SDK1: variants seen among roughly 807,000 people sequenced by gnomAD.
The protein encoded by SDK1 is sidekick cell adhesion molecule 1.
SDK1 carries 157 observed loss-of-function variants against 245.5 expected under a neutral mutation model. The ratio of observed to expected loss-of-function variants is 0.64; its 90% CI spans 0.56 to 0.73. The LOEUF (loss-of-function observed/expected upper bound fraction) is 0.73. Ranked by LOEUF, SDK1 falls within the 30% of genes least tolerant of loss-of-function variation. SDK1 has a pLI of 0.00. For synonymous variants in SDK1, 1,647 were observed against 1,278.5 expected, an observed-to-expected ratio of 1.29 and a Z score of -6.15; for missense variants, 3,583 against 3,002.3, an observed-to-expected ratio of 1.19 and a Z score of -4.52.
intron 42 of SDK1, among the ~76,000 whole-genome samples, chr7:4,239,222 G>T (rs1290187923): frequency 2.6e-5 from 4 of 152,190 alleles, no homozygotes; most frequent in African/African-American, 9.6e-5. Context: ...CACAGACCTT[G>T]TGACTCCATT....
intron 1 of SDK1, among the ~76,000 whole-genome samples, chr7:3,596,859 TAA>T (rs1023728321): frequency 6.6e-6 from 1 of 152,062 alleles, no homozygotes; most frequent in African/African-American, 2.4e-5. Context: ...GAAAGCACCA[TAA>T]AAGATAGAAG....
chr7:4,086,923 A>G (rs1249233475), intron 22 of SDK1, among the ~76,000 whole-genome samples: 3 of 152,086 alleles, frequency 2.0e-5, no homozygotes, highest in Admixed American at 2.0e-4. Flanking sequence ...TGGCTGGATC[A>G]CAAGGCAAAT....
chr7:4,138,692 T>G (rs1211792540), intron 28 of SDK1, among the ~76,000 whole-genome samples: 2 of 145,096 alleles, frequency 1.4e-5, no homozygotes, highest in Non-Finnish European at 3.0e-5. Flanking sequence ...GGTTGCAGTA[T>G]AGCCGAGATC....
chr7:4,133,580 G>C (rs1163183346), intron 28 of SDK1, among the ~76,000 whole-genome samples: 1 of 152,176 alleles, frequency 6.6e-6, no homozygotes, highest in Non-Finnish European at 1.5e-5. Context: ...CTAAAGCCTT[G>C]GAAGAAGGGA....
At chr7:3,960,960 G>C (rs1286869900) in intron 8 of SDK1, among the ~76,000 whole-genome samples, 3 of 152,102 alleles carry the variant, frequency 2.0e-5, no homozygotes, top group African/African-American at 7.2e-5. Context: ...ACATTAAATT[G>C]CCCCAAAATA....
intron 1 of SDK1, among the ~76,000 whole-genome samples, chr7:3,573,646 ATCT>A (rs1165872993): frequency 6.6e-6 from 1 of 151,966 alleles, no homozygotes; most frequent in African/African-American, 2.4e-5. Flanking sequence ...TAATCAAATG[ATCT>A]TCTTCCCAGG....
intron 18 of SDK1, 60 bp downstream of exon 18, chr7:4,049,523 C>T (rs756724475): frequency 5.0e-5 from 67 of 1,332,076 alleles, no homozygotes; most frequent in South Asian, 1.4e-4. Context: ...CACAGCGCGA[C>T]GCAGCTGGAG....
chr7:3,602,844 A>G (rs1036068459), intron 1 of SDK1, among the ~76,000 whole-genome samples: 3 of 152,104 alleles, frequency 2.0e-5, no homozygotes, highest in Non-Finnish European at 2.9e-5. Context: ...ATCTTGAATT[A>G]ATTTTTGTAT....
At chr7:3,601,517 A>C (rs905717092) in intron 1 of SDK1, among the ~76,000 whole-genome samples, 4 of 151,884 alleles carry the variant, frequency 2.6e-5, no homozygotes, top group Non-Finnish European at 4.4e-5. Context: ...AAAGTTGTTC[A>C]TAGTATTCTT....
chr7:4,209,992 C>A (rs770168686), intron 37 of SDK1, 33 bp from the exon 38 acceptor site: 2 of 1,527,052 alleles, frequency 1.3e-6, no homozygotes, highest in Non-Finnish European at 1.8e-6. Flanking sequence ...GTAGGAGCCC[C>A]TGTAAAAGTC....
At chr7:3,890,975 GGCTTCACTGGGCCCAACCAGGCCA>G (rs1236554064) in intron 5 of SDK1, among the ~76,000 whole-genome samples, 1 of 152,158 alleles carries the variant, frequency 6.6e-6, no homozygotes, top group Non-Finnish European at 1.5e-5. Flanking sequence ...AGTTGGCTGT[GGCTTCACTGGGCCCAACCAGGCCA>G]GCCTAACCTT....
intron 4 of SDK1, among the ~76,000 whole-genome samples, chr7:3,761,796 A>T (rs553835404): frequency 6.6e-6 from 1 of 152,164 alleles, no homozygotes; most frequent in Non-Finnish European, 1.5e-5. Context: ...TTAAATACAA[A>T]CTGACAACAA....
intron 4 of SDK1, among the ~76,000 whole-genome samples, chr7:3,761,645 C>G (rs1051257449): frequency 3.3e-5 from 5 of 151,186 alleles, no homozygotes; most frequent in Admixed American, 6.6e-5. Flanking sequence ...AGGCAGAAAA[C>G]ATCTAGGATG....
intron 4 of SDK1, chr7:3,643,043 C>T (rs1161312567): frequency 6.6e-6 from 1 of 152,288 alleles, no homozygotes; most frequent in Non-Finnish European, 1.5e-5. Flanking sequence ...TGCTCTCTCC[C>T]CTACCTGAGC....
chr7:4,136,601 G>C (rs1345664422), intron 28 of SDK1, among the ~76,000 whole-genome samples: 1 of 152,182 alleles, frequency 6.6e-6, no homozygotes, highest in Non-Finnish European at 1.5e-5. Flanking sequence ...TTTTCTTTGG[G>C]GGGATGGGGT....
intron 4 of SDK1, among the ~76,000 whole-genome samples, chr7:3,700,882 A>G (rs984813072): frequency 6.6e-6 from 1 of 151,948 alleles, no homozygotes; most frequent in African/African-American, 2.4e-5. Context: ...TCCGTCAGCT[A>G]TTCCTTAAAG....
At chr7:3,962,631 T>C in intron 8 of SDK1, 26 bp from the exon 9 acceptor site, 1 of 1,548,320 alleles carries the variant, frequency 6.5e-7, no homozygotes, top group Non-Finnish European at 8.8e-7. Flanking sequence ...ATTTTTAAAA[T>C]CCTATTTATT....
At position 3,672,783 on chromosome 7, in the gene SDK1, AT is replaced by A. The variant is rs1245283781; in HGVS notation, c.713+30679del. Among the ~76,000 whole-genome samples, 253 of 103,578 alleles carry A rather than the reference AT, an allele frequency of 2.4e-3. 23 individuals carry two copies. Among genetic ancestry groups the A allele is most frequent in the East Asian group, 0.018 (64 of 3,518 alleles). 68.0% of individuals were successfully genotyped at this position (103,578 alleles called of 152,430 possible). A position where few individuals can be genotyped will look rare whatever the true frequency, so the allele number is the denominator to read the frequency against. On this transcript the variant is annotated intron_variant, in intron 4 of 44. Coordinates refer to ENST00000404826, the MANE Select transcript of SDK1 (RefSeq NM_152744.4). ...TTTATATATATATATATATATATAT[AT>A]ATATATATATAAAAAATACAGAAAG...
chr7:3,951,977 A>C (rs1478705236), intron 7 of SDK1, 57 bp downstream of exon 7: 1 of 1,472,748 alleles, frequency 6.8e-7, no homozygotes, highest in African/African-American at 1.4e-5. Flanking sequence ...TCCGACACTG[A>C]CTCTTCTGCA....
Sources: gnomAD v4.1 joint callset for allele counts (sites outside exome capture counted in the v4.1 genomes callset) on GRCh38, gnomAD v4.1.1 for gene constraint, MANE v1.5 for transcripts, NCBI Gene and HGNC (gene_info 2026-07-23, HGNC 2026-07-21) for gene names.